Variants in SPATA13 observed in about 807,000 individuals in gnomAD.
SPATA13 encodes spermatogenesis associated 13.
SPATA13 carries 50 observed loss-of-function variants against 104.0 expected under a neutral mutation model. The ratio of observed to expected loss-of-function variants is 0.48; its 90% CI spans 0.38 to 0.61. SPATA13 has a LOEUF of 0.61. SPATA13 is among the 20% of genes least tolerant of loss of function. SPATA13 has a pLI of 0.00. For missense variants in SPATA13, 1,524 were observed against 1,690.6 expected, an observed-to-expected ratio of 0.90 and a Z score of 1.73; for synonymous variants, 606 against 667.5, an observed-to-expected ratio of 0.91 and a Z score of 1.42.
At chr13:24,077,877 G>T (rs1026995532) in intron 3 of SPATA13, among the ~76,000 whole-genome samples, 2 of 152,038 alleles carry the variant, frequency 1.3e-5, no homozygotes, top group Non-Finnish European at 2.9e-5. Context: ...CTGCTCTGGG[G>T]CCCACAACTC....
At chr13:24,098,577 A>G (rs1376321977) in intron 3 of SPATA13, among the ~76,000 whole-genome samples, 1 of 142,006 alleles carries the variant, frequency 7.0e-6, no homozygotes, top group East Asian at 2.1e-4. Flanking sequence ...TGCCTAGGAG[A>G]TAGAGTGAGA....
intron 2 of SPATA13, among the ~76,000 whole-genome samples, chr13:23,984,560 T>C (rs1875058309): frequency 6.6e-6 from 1 of 152,212 alleles, no homozygotes; most frequent in Non-Finnish European, 1.5e-5. Flanking sequence ...CATCCTCGCA[T>C]TTCCAACCCC....
At chr13:24,120,413 GC>G (rs1159447634) in intron 3 of SPATA13, among the ~76,000 whole-genome samples, 1 of 152,148 alleles carries the variant, frequency 6.6e-6, no homozygotes, top group Non-Finnish European at 1.5e-5. Context: ...GTCTTTACTT[GC>G]CTGTGTCCCT....
chr13:24,114,669 T>G (rs9507245), intron 3 of SPATA13, among the ~76,000 whole-genome samples: 55,080 of 151,878 alleles, frequency 0.36, 10,985 homozygotes, highest in Admixed American at 0.46. Flanking sequence ...TGTTGTTGTT[T>G]TTGTTGTTTT....
At chr13:24,154,666 C>A (rs979239873) in intron 3 of SPATA13, among the ~76,000 whole-genome samples, 2 of 152,108 alleles carry the variant, frequency 1.3e-5, no homozygotes, top group Non-Finnish European at 2.9e-5. Context: ...CACTTTTAAG[C>A]GAGTTTCCAG....
intron 2 of SPATA13, among the ~76,000 whole-genome samples, chr13:24,014,412 C>A (rs1302197838): frequency 6.6e-6 from 1 of 152,108 alleles, no homozygotes; most frequent in Non-Finnish European, 1.5e-5. Context: ...CTTTGACTCC[C>A]CCAAAACTTA....
chr13:23,985,353 C>A (rs981445800), intron 2 of SPATA13, among the ~76,000 whole-genome samples: 1 of 152,280 alleles, frequency 6.6e-6, no homozygotes, highest in Non-Finnish European at 1.5e-5. Flanking sequence ...AAGGTTGTGT[C>A]ATGGCGTGGC....
intron 11 of SPATA13, among the ~76,000 whole-genome samples, chr13:24,299,012 T>C (rs544125681): frequency 6.6e-6 from 1 of 152,268 alleles, no homozygotes; most frequent in Admixed American, 6.5e-5. Flanking sequence ...GCAACAGCCA[T>C]AGATTATTGG....
At chr13:24,241,714 C>A (rs1872843292) in intron 2 of SPATA13, among the ~76,000 whole-genome samples, 1 of 152,198 alleles carries the variant, frequency 6.6e-6, no homozygotes, top group South Asian at 2.1e-4. Context: ...ACACACACAC[C>A]CCATTGAGGG....
intron 1 of SPATA13, among the ~76,000 whole-genome samples, chr13:24,172,370 A>G (rs372047788): frequency 5.3e-4 from 80 of 152,294 alleles, no homozygotes; most frequent in African/African-American, 1.9e-3. Flanking sequence ...GATGAGGTCC[A>G]GTTTATCAGT....
At chr13:24,046,556 T>TTTTTTTTTTTTTTTTTTTTGAGAC (rs1312966281) in intron 3 of SPATA13, among the ~76,000 whole-genome samples, 2 of 150,528 alleles carry the variant, frequency 1.3e-5, no homozygotes, top group East Asian at 1.9e-4. Flanking sequence ...TGTACTCTTT[T>TTTTTTTTTTTTTTTTTTTTGAGAC]GTGTCTGGCC....
At chr13:24,197,246 T>C (rs546414785) in intron 1 of SPATA13, among the ~76,000 whole-genome samples, 39 of 152,258 alleles carry the variant, frequency 2.6e-4, no homozygotes, top group Non-Finnish European at 3.7e-4. Flanking sequence ...TAAAATAATA[T>C]TGAGATAAAA....
At chr13:24,243,331 T>C (rs971788544) in intron 2 of SPATA13, among the ~76,000 whole-genome samples, 6 of 152,336 alleles carry the variant, frequency 3.9e-5, no homozygotes, top group African/African-American at 1.2e-4. Context: ...TCTGTAGGTT[T>C]TACCAGATTG....
intron 3 of SPATA13, among the ~76,000 whole-genome samples, chr13:24,108,817 A>G (rs925048618): frequency 1.3e-5 from 2 of 151,504 alleles, no homozygotes; most frequent in Non-Finnish European, 2.9e-5. Flanking sequence ...CCCGCCCCCA[A>G]CCTCTTCTGT....
At chr13:24,106,351 G>T (rs1161537898) in intron 3 of SPATA13, among the ~76,000 whole-genome samples, 1 of 152,178 alleles carries the variant, frequency 6.6e-6, no homozygotes. Flanking sequence ...CTAATTAAAA[G>T]AAATCTTCCC....
chr13:24,289,442 T>C (rs1876180360), intron 8 of SPATA13, among the ~76,000 whole-genome samples: 3 of 152,352 alleles, frequency 2.0e-5, no homozygotes, highest in Non-Finnish European at 2.9e-5. Flanking sequence ...GTAATTACTT[T>C]TTAAAAATTT....
chr13:24,233,326 TATG>T (rs1872386774), intron 2 of SPATA13, among the ~76,000 whole-genome samples: 1 of 152,246 alleles, frequency 6.6e-6, no homozygotes, highest in African/African-American at 2.4e-5. Flanking sequence ...GTTAGTGTTT[TATG>T]ATATTTCCTA....
intron 3 of SPATA13, chr13:24,122,846 G>A: frequency 1.3e-6 from 1 of 773,050 alleles, no homozygotes; most frequent in African/African-American, 1.7e-5. Flanking sequence ...TCTCCTCATA[G>A]AATTCTAAGA....
chr13:24,123,937 T>C, intron 3 of SPATA13: 1 of 543,774 alleles, frequency 1.8e-6, no homozygotes, highest in South Asian at 2.2e-5. Flanking sequence ...TTCAGGCTTT[T>C]GAGATAACCT....
Sources: gnomAD v4.1 joint callset for allele counts (sites outside exome capture counted in the v4.1 genomes callset) on GRCh38, gnomAD v4.1.1 for gene constraint, MANE v1.5 for transcripts, NCBI Gene and HGNC (gene_info 2026-07-23, HGNC 2026-07-21) for gene names.